Variants in IBTK observed in about 807,000 individuals in gnomAD.
IBTK encodes BTK-binding protein.
IBTK carries 83 observed loss-of-function variants against 154.9 expected under a neutral mutation model. The observed-to-expected ratio is 0.54, with a 90% CI of 0.45 to 0.64. The LOEUF (loss-of-function observed/expected upper bound fraction) is 0.64. Among genes scored for constraint, IBTK ranks in the 30% least tolerant of loss-of-function variants. The pLI is 0.00. For synonymous variants in IBTK, 515 were observed against 536.1 expected (o/e 0.96, Z 0.54); for missense variants, 1,332 against 1,584.6 (o/e 0.84, Z 2.71).
chr6:82,171,539 T>C lies in IBTK; in HGVS notation c.3948A>G (p.Ile1316Met). The C allele has an allele frequency of 1.2e-6, 2 of 1,603,278 alleles. No homozygotes were observed. Among genetic ancestry groups the C allele is most frequent in the South Asian group, 2.2e-5 (2 of 89,972 alleles). Residue 1316 changes from isoleucine (I) to methionine (M), a missense_variant, in exon 29 of 29, where the codon ATA becomes ATG. Transcript: ENST00000306270. ...CCTCATAGAAAACCAATAAATCTTG[T>C]ATGGCATGCTCCTCAATCTGAAAGG... ...LALIQIEEHA[I>M]QDLLVFYEAF...
intron 16 of IBTK, among the ~76,000 whole-genome samples, chr6:82,208,614 A>C (rs1769504399): frequency 6.6e-6 from 1 of 152,042 alleles, no homozygotes; most frequent in Non-Finnish European, 1.5e-5. Flanking sequence ...ATGGTGGTGC[A>C]CAGCTGTAGT....
In IBTK at chr6:82,214,520, T is replaced by C; in HGVS notation, c.1911A>G (p.Thr637=). Residue 637 remains threonine, a synonymous_variant, in exon 12 of 29, where the codon ACA becomes ACG. Coordinates refer to ENST00000306270, the MANE Select transcript of IBTK (RefSeq NM_015525.4). The part of the protein sequence containing the change: ...MFEYLLQFIY[T]DTCDFLTHGF... The stretch of plus-strand genomic sequence containing the variant: ...CATGAGTTAAAAAGTCACAAGTATC[T>C]GTGTATATAAATTGTAAAAGGTATT... 8 of 1,614,058 alleles carry C rather than the reference T, an allele frequency of 5.0e-6. No homozygotes were observed. The highest frequency in any genetic ancestry group is 6.8e-6 in the Non-Finnish European group (8 of 1,179,968).
At chr6:82,204,803 G>A in intron 17 of IBTK, 54 bp downstream of exon 17, 1 of 1,125,608 alleles carries the variant, frequency 8.9e-7, no homozygotes, top group Admixed American at 2.2e-5. Flanking sequence ...ATAAAGTACA[G>A]TAATCCTTGA....
chr6:82,182,607 T>C (rs1768362088), intron 25 of IBTK, among the ~76,000 whole-genome samples: 2 of 152,058 alleles, frequency 1.3e-5, no homozygotes, highest in Non-Finnish European at 2.9e-5. Flanking sequence ...GCCAAAATTT[T>C]CCCAAATTTG....
intron 5 of IBTK, among the ~76,000 whole-genome samples, chr6:82,226,905 C>A (rs975243363): frequency 1.3e-5 from 2 of 152,170 alleles, no homozygotes; most frequent in African/African-American, 4.8e-5. Context: ...TGCGCCCGGC[C>A]TAGTCTGCCT....
rs964669710 is a variant in IBTK at position 82,216,332 on chromosome 6, G to T, written c.1427-82C>A. 18 of 887,206 alleles carry T rather than the reference G, an allele frequency of 2.0e-5. No individual in the cohort carries two copies. In the South Asian group the frequency reaches 2.7e-4, roughly 14 times the overall value. The allele number at this position is 887,206 out of a possible 1,614,324, so 55.0% of individuals were successfully genotyped here. A position where few individuals can be genotyped will look rare whatever the true frequency, so the allele number is the denominator to read the frequency against. ...ATTGAGAAGTAAATGGAATAGAAAA[G>T]GAGTTAGAAAAATATGGAAATCTTT... On this transcript the variant is annotated intron_variant, in intron 10 of 28. Coordinates refer to ENST00000306270, the MANE Select transcript of IBTK (RefSeq NM_015525.4).
chr6:82,243,710 T>C (rs998345257), intron 1 of IBTK, among the ~76,000 whole-genome samples: 1 of 152,216 alleles, frequency 6.6e-6, no homozygotes, highest in Non-Finnish European at 1.5e-5. Flanking sequence ...TGTGGCAAAA[T>C]AGTTCATCCA....
chr6:82,191,503 C>G, intron 24 of IBTK: 1 of 567,218 alleles, frequency 1.8e-6, no homozygotes, highest in Non-Finnish European at 3.1e-6. Context: ...GCATCACAAG[C>G]CTTAACTCTT....
intron 8 of IBTK, among the ~76,000 whole-genome samples, chr6:82,221,939 C>A (rs973494917): frequency 6.6e-6 from 1 of 151,956 alleles, no homozygotes; most frequent in Non-Finnish European, 1.5e-5. Flanking sequence ...CCAAGGTGGG[C>A]GAATCACCTG....
chr6:82,200,290 G>A (rs1769154242), intron 20 of IBTK, 37 bp from the exon 21 acceptor site: 1 of 1,407,978 alleles, frequency 7.1e-7, no homozygotes, highest in Admixed American at 1.8e-5. Context: ...CAGTGTTTAG[G>A]GAGGTAACTA....
At chr6:82,210,389 T>C (rs1440162246) in intron 16 of IBTK, 1 of 151,700 alleles carries the variant, frequency 6.6e-6, no homozygotes, top group Non-Finnish European at 1.5e-5. Context: ...ACAGGGGCCA[T>C]GTAATCTCTG....
At chr6:82,193,399 T>G (rs1768854826) in intron 23 of IBTK, among the ~76,000 whole-genome samples, 1 of 149,274 alleles carries the variant, frequency 6.7e-6, no homozygotes, top group South Asian at 2.2e-4. Flanking sequence ...TTCCCACATA[T>G]TAAATATTTA....
chr6:82,227,814 C>A (rs891019523), intron 4 of IBTK, among the ~76,000 whole-genome samples: 3 of 151,816 alleles, frequency 2.0e-5, no homozygotes, highest in African/African-American at 7.2e-5. Context: ...TTGGTTTTAT[C>A]AACATGTCTT....
At chr6:82,207,324 T>C (rs779558367) in intron 16 of IBTK, among the ~76,000 whole-genome samples, 1 of 152,094 alleles carries the variant, frequency 6.6e-6, no homozygotes, top group African/African-American at 2.4e-5. Context: ...ATTAAAAAAA[T>C]TTCCATTTAA....
chr6:82,201,502 A>C lies in IBTK; in HGVS notation c.2730-20T>G. On this transcript the variant is annotated intron_variant, in intron 18 of 28. Transcript: ENST00000306270. Reference sequence around the variant, plus strand: ...AGAGACCTAAAATATAGGATACAAAATTCTATCTTAAGATTCAAGTGACTT... The same window carrying C: ...AGAGACCTAAAATATAGGATACAAACTTCTATCTTAAGATTCAAGTGACTT... 3 of 1,543,662 alleles carry C rather than the reference A, an allele frequency of 1.9e-6. No individual in the cohort carries two copies. Among genetic ancestry groups the C allele is most frequent in the Non-Finnish European group, 2.7e-6 (3 of 1,125,200 alleles).
At chr6:82,192,181 A>C (rs574270684) in intron 23 of IBTK, among the ~76,000 whole-genome samples, 1 of 152,284 alleles carries the variant, frequency 6.6e-6, no homozygotes, top group African/African-American at 2.4e-5. Context: ...ATTTAAAAAA[A>C]CATTTTTTAA....
At chr6:82,180,619 A>G (rs1271481729) in intron 26 of IBTK, among the ~76,000 whole-genome samples, 1 of 152,216 alleles carries the variant, frequency 6.6e-6, no homozygotes, top group Non-Finnish European at 1.5e-5. Flanking sequence ...AGATGACTTC[A>G]GATATTTTTT....
At chr6:82,215,443 T>A (rs1769830151) in intron 11 of IBTK, among the ~76,000 whole-genome samples, 1 of 152,144 alleles carries the variant, frequency 6.6e-6, no homozygotes, top group African/African-American at 2.4e-5. Flanking sequence ...AAGAAATATT[T>A]ATAATACATT....
rs566130215 is a variant in IBTK, at chr6:82,180,509, C to A, written c.3725+1370G>T. On this transcript the variant is annotated intron_variant, in intron 26 of 28. Coordinates refer to ENST00000306270, the MANE Select transcript of IBTK (RefSeq NM_015525.4). ...TCAAGTGATCTGCCCACCTCGGCCT[C>A]CCAAAGTGCTAGGATTACAGGCATT... is the stretch of plus-strand genomic sequence containing the variant. Among the ~76,000 whole-genome samples, 86 of 152,234 alleles carry A rather than the reference C, an allele frequency of 5.6e-4. 1 individual carries two copies. Among genetic ancestry groups the A allele is most frequent in the African/African-American group, 2.0e-3 (84 of 41,534 alleles).
Sources: gnomAD v4.1 joint callset for allele counts (sites outside exome capture counted in the v4.1 genomes callset) on GRCh38, gnomAD v4.1.1 for gene constraint, MANE v1.5 for transcripts, NCBI Gene and HGNC (gene_info 2026-07-23, HGNC 2026-07-21) for gene names.